GAS2: variants seen among roughly 807,000 people sequenced by gnomAD.
GAS2 encodes growth arrest specific 2, also known as growth arrest-specific protein 2.
GAS2 carries 20 observed loss-of-function variants against 37.5 expected under a neutral mutation model. The ratio of observed to expected loss-of-function variants is 0.53; its 90% confidence interval spans 0.37 to 0.77. The LOEUF is 0.77. Among genes scored for constraint, GAS2 ranks in the 30% least tolerant of loss-of-function variants. GAS2 has a pLI of 0.00. For missense variants in GAS2, 336 were observed against 373.4 expected, an observed-to-expected ratio of 0.90 and a Z score of 0.82; for synonymous variants, 144 against 132.2, an observed-to-expected ratio of 1.09 and a Z score of -0.61.
intron 7 of GAS2, among the ~76,000 whole-genome samples, chr11:22,760,728 A>C (rs926838848): frequency 6.6e-6 from 1 of 152,172 alleles, no homozygotes; most frequent in East Asian, 1.9e-4. Context: ...AATAATAGAA[A>C]ATAGTTTTTA....
chr11:22,664,073 A>G (rs528158860), upstream of GAS2, among the ~76,000 whole-genome samples: 88 of 152,202 alleles, frequency 5.8e-4, 1 homozygote, highest in South Asian at 2.3e-3. Context: ...TTGCTTCCCA[A>G]GCTGTCTTTT....
chr11:22,658,583 G>T (rs1243654098), intron 1 of GAS2, among the ~76,000 whole-genome samples: 1 of 152,220 alleles, frequency 6.6e-6, no homozygotes, highest in East Asian at 1.9e-4. Context: ...GGGTTTCCTT[G>T]TCTGTTTCTC....
At chr11:22,768,466 T>C (rs556545463) in intron 7 of GAS2, among the ~76,000 whole-genome samples, 4 of 152,318 alleles carry the variant, frequency 2.6e-5, no homozygotes, top group South Asian at 2.1e-4. Context: ...CTCCCAGCAC[T>C]ACACTCACAG....
At chr11:22,702,163 A>G (rs1463893508) in intron 3 of GAS2, 1 of 152,188 alleles carries the variant, frequency 6.6e-6, no homozygotes, top group South Asian at 2.1e-4. Context: ...GACCATTCTG[A>G]CTACCCATAC....
intron 2 of GAS2, among the ~76,000 whole-genome samples, chr11:22,682,888 G>GAAAAAAAA (rs57025584): frequency 9.8e-5 from 10 of 102,358 alleles, no homozygotes; most frequent in East Asian, 3.3e-4. Context: ...AAAAAAAAAG[G>GAAAAAAAA]AAAAAAAAAA....
rs549958327 is a variant in GAS2, at chr11:22,688,756, A to G, written c.267+2967A>G. ...TTTTTCTGATTGTGATAAAGGTTTT[A>G]GTATAAAACCTTAAATGTGTTACTT... is the stretch of plus-strand genomic sequence containing the variant. On this transcript the variant is annotated intron_variant, in intron 3 of 7. Coordinates refer to ENST00000454584, the MANE Select transcript of GAS2 (RefSeq NM_001143830.3). Among the ~76,000 whole-genome samples, 46 of 152,344 alleles carry G rather than the reference A, an allele frequency of 3.0e-4. 1 individual carries two copies. Among genetic ancestry groups the G allele is most frequent in the Non-Finnish European group, 4.7e-4 (32 of 68,032 alleles).
chr11:22,763,639 ACACACACACACACACACACACG>A (rs1854520400), intron 7 of GAS2, among the ~76,000 whole-genome samples: 1 of 151,010 alleles, frequency 6.6e-6, no homozygotes, highest in African/African-American at 2.5e-5. Flanking sequence ...ACACACACAC[ACACACACACACACACACACACG>A]TCATCTAATT....
At chr11:22,740,633 C>T (rs184134475) in intron 5 of GAS2, among the ~76,000 whole-genome samples, 2 of 152,234 alleles carry the variant, frequency 1.3e-5, no homozygotes, top group African/African-American at 2.4e-5. Flanking sequence ...CAAATTCAAA[C>T]GTGTTTTACA....
intron 7 of GAS2, among the ~76,000 whole-genome samples, chr11:22,798,468 G>A (rs1399388907): frequency 6.6e-6 from 1 of 151,924 alleles, no homozygotes; most frequent in Non-Finnish European, 1.5e-5. Flanking sequence ...AAAACAAATA[G>A]GAGCTTCTGC....
At chr11:22,714,404 A>G (rs1851562024) in intron 3 of GAS2, among the ~76,000 whole-genome samples, 1 of 152,162 alleles carries the variant, frequency 6.6e-6, no homozygotes, top group Non-Finnish European at 1.5e-5. Context: ...AGGAAATGAG[A>G]TAGGTGACAG....
chr11:22,749,973 G>A (rs981085490), intron 6 of GAS2, among the ~76,000 whole-genome samples: 69 of 152,142 alleles, frequency 4.5e-4, no homozygotes, highest in African/African-American at 1.6e-3. Flanking sequence ...GTGTGCTTGA[G>A]TATGTGTGTG....
At chr11:22,784,391 G>A (rs987416569) in intron 7 of GAS2, among the ~76,000 whole-genome samples, 4 of 152,192 alleles carry the variant, frequency 2.6e-5, no homozygotes, top group African/African-American at 7.2e-5. Flanking sequence ...AAAGTTCAAG[G>A]TACTTTCTAG....
At chr11:22,626,170 T>A (rs1858649962) in intron 1 of GAS2, 1 of 330,708 alleles carries the variant, frequency 3.0e-6, no homozygotes. Context: ...AACTAGAATC[T>A]GTGTTGAGGT....
At chr11:22,650,320 G>GA (rs1848757955) in intron 1 of GAS2, among the ~76,000 whole-genome samples, 2 of 150,634 alleles carry the variant, frequency 1.3e-5, no homozygotes, top group South Asian at 4.2e-4. Flanking sequence ...CATTTGGTGA[G>GA]GAGAGCTTTA....
At chr11:22,749,376 G>C (rs2270755) in intron 6 of GAS2, 115 bp downstream of exon 6, 1 of 957,688 alleles carries the variant, frequency 1.0e-6, no homozygotes, top group South Asian at 2.1e-5. Context: ...TTCTTGAAAT[G>C]TATTTTAAGC....
At chr11:22,772,154 C>T (rs1855011489) in intron 7 of GAS2, among the ~76,000 whole-genome samples, 1 of 152,078 alleles carries the variant, frequency 6.6e-6, no homozygotes, top group African/African-American at 2.4e-5. Flanking sequence ...ATTGTATAGA[C>T]TTATGAAGCA....
At chr11:22,704,629 C>T (rs1315417275) in intron 3 of GAS2, among the ~76,000 whole-genome samples, 2 of 77,248 alleles carry the variant, frequency 2.6e-5, no homozygotes, top group Admixed American at 1.2e-4. Flanking sequence ...ATATATTTTG[C>T]TCATCTCAAA....
intron 2 of GAS2, among the ~76,000 whole-genome samples, chr11:22,678,172 G>A (rs1430003792): frequency 6.6e-6 from 1 of 152,090 alleles, no homozygotes; most frequent in African/African-American, 2.4e-5. Context: ...AACTTGAGAA[G>A]TCTACTAATA....
intron 2 of GAS2, among the ~76,000 whole-genome samples, chr11:22,680,219 G>A (rs1467210687): frequency 1.3e-5 from 2 of 151,974 alleles, no homozygotes; most frequent in Non-Finnish European, 2.9e-5. Flanking sequence ...TCTTCCGTTA[G>A]TTCAAAAGTT....
Sources: gnomAD v4.1 joint callset for allele counts (sites outside exome capture counted in the v4.1 genomes callset) on GRCh38, gnomAD v4.1.1 for gene constraint, MANE v1.5 for transcripts, NCBI Gene and HGNC (gene_info 2026-07-23, HGNC 2026-07-21) for gene names.